The following ARHGAP15 variants were observed in gnomAD, a reference collection of about 807,000 sequenced individuals.
ARHGAP15 encodes rho GTPase-activating protein 15.
Under a neutral mutation model 63.7 loss-of-function variants are expected in ARHGAP15, and 51 were observed. The observed-to-expected ratio is 0.80, with a 90% CI of 0.64 to 1.01. The LOEUF is 1.01. Among genes scored for constraint, ARHGAP15 ranks in the 50% least tolerant of loss-of-function variants. ARHGAP15 has a pLI of 0.00. For missense variants in ARHGAP15, 560 were observed against 564.6 expected, an observed-to-expected ratio of 0.99 and a Z score of 0.08; for synonymous variants, 191 against 193.8, an observed-to-expected ratio of 0.99 and a Z score of 0.12.
rs566538640 is a variant in ARHGAP15 at position 143,439,104 on chromosome 2, T to A, written c.703+2062T>A. On this transcript the variant is annotated intron_variant, in intron 8 of 13. Coordinates refer to ENST00000295095, the MANE Select transcript of ARHGAP15 (RefSeq NM_018460.4). ...TTGGAAAAGACAATTATTTTTCTAC[T>A]TTGAGCTTAAACTCAATCCTACTTA... 5.9e-5 allele frequency among the ~76,000 whole-genome samples: 9 copies of A among 152,094 alleles called. 1 individual carries two copies. The highest frequency in any genetic ancestry group is 4.1e-4 in the South Asian group (2 of 4,830).
At chr2:143,222,523 A>G (rs1220478518) in intron 4 of ARHGAP15, among the ~76,000 whole-genome samples, 1 of 152,222 alleles carries the variant, frequency 6.6e-6, no homozygotes, top group African/African-American at 2.4e-5. Context: ...ACAGATTCTT[A>G]TAACGGTAAT....
intron 6 of ARHGAP15, among the ~76,000 whole-genome samples, chr2:143,411,022 T>TG (rs1558952723): frequency 6.6e-6 from 1 of 151,810 alleles, no homozygotes; most frequent in Non-Finnish European, 1.5e-5. Context: ...CTGACCAACA[T>TG]GGAAAAACCC....
chr2:143,489,593 C>A (rs550766283), intron 9 of ARHGAP15, among the ~76,000 whole-genome samples: 8 of 151,916 alleles, frequency 5.3e-5, no homozygotes, highest in Non-Finnish European at 1.0e-4. Flanking sequence ...TTTAAAAATA[C>A]CTGGCTAGTC....
At chr2:143,251,423 C>A (rs1448399375) in intron 6 of ARHGAP15, among the ~76,000 whole-genome samples, 1 of 151,850 alleles carries the variant, frequency 6.6e-6, no homozygotes, top group African/African-American at 2.4e-5. Flanking sequence ...AAAGTCAATT[C>A]TTCTACTCTT....
chr2:143,319,423 T>C (rs1410569458), intron 6 of ARHGAP15, among the ~76,000 whole-genome samples: 1 of 152,066 alleles, frequency 6.6e-6, no homozygotes, highest in Non-Finnish European at 1.5e-5. Flanking sequence ...GGTTTCACCA[T>C]GTTAGCCAGG....
intron 9 of ARHGAP15, among the ~76,000 whole-genome samples, chr2:143,497,993 G>A (rs1574534508): frequency 6.6e-6 from 1 of 152,252 alleles, no homozygotes; most frequent in South Asian, 2.1e-4. Flanking sequence ...GTGTTAGACT[G>A]CTACGAGCAA....
At chr2:143,442,253 G>C (rs1464812287) in intron 8 of ARHGAP15, among the ~76,000 whole-genome samples, 2 of 152,058 alleles carry the variant, frequency 1.3e-5, no homozygotes, top group Non-Finnish European at 2.9e-5. Flanking sequence ...GCTTAGACCT[G>C]GTATGTTTTC....
rs373554119 is a variant in ARHGAP15 at position 143,493,302 on chromosome 2, G to C, written c.826+5807G>C. ...ACCTCCATGGCTTTTTCATATTTTG[G>C]ACTAAATGGTGAAAAAAACAATAAT... On this transcript the variant is annotated intron_variant, in intron 9 of 13. Coordinates refer to ENST00000295095, the MANE Select transcript of ARHGAP15 (RefSeq NM_018460.4). Among the ~76,000 whole-genome samples the C allele has an allele frequency of 1.6e-4, 25 of 152,026 alleles. 1 individual carries two copies. The South Asian group carries it at 1.7e-3, about 10-fold the overall frequency.
chr2:143,262,722 T>G (rs1261655626), intron 6 of ARHGAP15, among the ~76,000 whole-genome samples: 1 of 151,978 alleles, frequency 6.6e-6, no homozygotes, highest in Non-Finnish European at 1.5e-5. Flanking sequence ...GGGTCAGCTA[T>G]CCCCATGAAT....
intron 11 of ARHGAP15, among the ~76,000 whole-genome samples, chr2:143,610,165 G>A (rs1421281533): frequency 1.3e-5 from 2 of 152,116 alleles, no homozygotes; most frequent in African/African-American, 4.8e-5. Flanking sequence ...GGCCTCGAAT[G>A]ATGGAATTAG....
intron 6 of ARHGAP15, among the ~76,000 whole-genome samples, chr2:143,254,197 T>C (rs1680304667): frequency 1.3e-5 from 2 of 152,094 alleles, no homozygotes; most frequent in African/African-American, 4.8e-5. Flanking sequence ...GATTACAACA[T>C]AATCTTAAAT....
intron 11 of ARHGAP15, among the ~76,000 whole-genome samples, chr2:143,614,003 C>G (rs1364407919): frequency 6.6e-6 from 1 of 152,200 alleles, no homozygotes; most frequent in African/African-American, 2.4e-5. Flanking sequence ...GATATGGAAT[C>G]TATGCCTCTA....
chr2:143,169,758 A>G (rs1031442234), intron 2 of ARHGAP15, among the ~76,000 whole-genome samples: 6 of 86,276 alleles, frequency 7.0e-5, no homozygotes, highest in African/African-American at 1.5e-4. Flanking sequence ...TTCAATCAGA[A>G]CTGAAGTGGG....
In ARHGAP15 at chr2:143,768,122, G is replaced by A. The variant is rs765432749; in HGVS notation, c.1378G>A (p.Glu460Lys). The change falls in exon 14 of 14, where the codon GAG becomes AAG. Residue 460 changes from glutamate (E) to lysine (K), a missense_variant. Physicochemically the swap from Glu to Lys is moderately conservative, Grantham distance 56. Transcript: ENST00000295095. The stretch of plus-strand genomic sequence containing the variant: ...CATGGTCTACCAGAACCAGATAGCT[G>A]AGCTCATGCTGAGTGAGTACAGTAA... ...IHMVYQNQIA[E>K]LMLSEYSKIF... 3.1e-6 allele frequency: 5 copies of A among 1,613,710 alleles called. No individual in the cohort carries two copies. The African/African-American group carries it at 5.3e-5, about 17-fold the overall frequency.
intron 9 of ARHGAP15, among the ~76,000 whole-genome samples, chr2:143,510,018 T>TAAAAAAAAAAA (rs35469918): frequency 2.5e-3 from 123 of 48,822 alleles, no homozygotes; most frequent in Non-Finnish European, 3.4e-3. Flanking sequence ...GACTCCCTCT[T>TAAAAAAAAAAA]AAAAAAAAAA....
intron 12 of ARHGAP15, among the ~76,000 whole-genome samples, chr2:143,654,381 A>G (rs1432782758): frequency 6.6e-6 from 1 of 152,150 alleles, no homozygotes; most frequent in Non-Finnish European, 1.5e-5. Flanking sequence ...CTCAAAAAGG[A>G]GTTGAGAAAA....
At chr2:143,424,533 T>C (rs553435914) in intron 6 of ARHGAP15, among the ~76,000 whole-genome samples, 80 of 152,134 alleles carry the variant, frequency 5.3e-4, no homozygotes, top group Non-Finnish European at 1.1e-3. Flanking sequence ...GGACAGCTTC[T>C]TCATGTCCTT....
intron 12 of ARHGAP15, among the ~76,000 whole-genome samples, chr2:143,702,749 T>C (rs887359517): frequency 1.3e-5 from 2 of 152,110 alleles, no homozygotes; most frequent in African/African-American, 4.8e-5. Flanking sequence ...TGGCAATTCC[T>C]TAGAAAGCAG....
Position 143,328,616 on chromosome 2 carries a change from G to A in ARHGAP15, c.474+78016G>A, listed in dbSNP as rs182972216. Among the ~76,000 whole-genome samples the A allele has an allele frequency of 2.3e-3, 353 of 152,244 alleles. 1 individual carries two copies. Among genetic ancestry groups the A allele is most frequent in the Non-Finnish European group, 2.3e-3 (154 of 68,014 alleles). ...GGGGAGTAGGGGAGGGATAGCATTA[G>A]GAGAAATACCTAATGTATGTGACGA... On this transcript the variant is annotated intron_variant, in intron 6 of 13. Transcript: ENST00000295095.
Sources: allele counts gnomAD v4.1 joint callset (sites outside exome capture counted in the v4.1 genomes callset), GRCh38; gene constraint gnomAD v4.1.1; transcripts MANE v1.5; gene names NCBI Gene and HGNC (gene_info 2026-07-23, HGNC 2026-07-21).